NAALADL2: variants seen among roughly 807,000 people sequenced by gnomAD.
NAALADL2 encodes the protein N-acetylated alpha-linked acidic dipeptidase like 2, also known as inactive N-acetylated-alpha-linked acidic dipeptidase-like protein 2.
In NAALADL2, 76 loss-of-function variants were observed where a neutral mutation model predicts 87.2. The ratio of observed to expected loss-of-function variants is 0.87; its 90% CI spans 0.72 to 1.05. The LOEUF (loss-of-function observed/expected upper bound fraction) is 1.05. Ranked by LOEUF, NAALADL2 falls within the 50% of genes least tolerant of loss-of-function variation. The probability of loss-of-function intolerance (pLI) is 0.00; values close to 1 mark genes in which losing one functional copy is unlikely to be tolerated. For missense variants in NAALADL2, 1,089 were observed against 945.8 expected (o/e 1.15, Z -1.99); for synonymous variants, 354 against 331.0 (o/e 1.07, Z -0.75).
intron 13 of NAALADL2, among the ~76,000 whole-genome samples, chr3:175,783,761 G>C (rs1022863014): frequency 7.3e-5 from 11 of 150,978 alleles, no homozygotes; most frequent in Non-Finnish European, 1.2e-4. Flanking sequence ...TGGTGAGACA[G>C]GGCATCCCTG....
chr3:175,343,674 T>TTTTTTTTTTTTTTTTTTTTTG (rs1560398564), intron 5 of NAALADL2, among the ~76,000 whole-genome samples: 1 of 147,132 alleles, frequency 6.8e-6, no homozygotes, highest in African/African-American at 2.5e-5. Context: ...TTTTTTTTTT[T>TTTTTTTTTTTTTTTTTTTTTG]TTCCCTTCCC....
At chr3:175,393,965 T>A (rs944900602) in intron 5 of NAALADL2, among the ~76,000 whole-genome samples, 1 of 152,180 alleles carries the variant, frequency 6.6e-6, no homozygotes, top group Non-Finnish European at 1.5e-5. Context: ...CACAAGCTAT[T>A]TTTTTCTGTA....
intron 3 of NAALADL2, among the ~76,000 whole-genome samples, chr3:174,740,026 T>TAAAAC (rs778116784): frequency 2.6e-5 from 4 of 152,120 alleles, no homozygotes; most frequent in Admixed American, 6.6e-5. Context: ...AAGCATTTTG[T>TAAAAC]AAAACAAAAC....
intron 3 of NAALADL2, among the ~76,000 whole-genome samples, chr3:174,762,808 C>A (rs1283640526): frequency 6.6e-6 from 1 of 152,044 alleles, no homozygotes; most frequent in Non-Finnish European, 1.5e-5. Context: ...ATATTTGCAA[C>A]TACAGTGCCA....
intron 9 of NAALADL2, among the ~76,000 whole-genome samples, chr3:175,471,963 T>C (rs1176271179): frequency 1.3e-5 from 2 of 152,176 alleles, no homozygotes; most frequent in Admixed American, 1.3e-4. Flanking sequence ...TACTCTTTTA[T>C]GGTCATATTT....
At chr3:175,767,397 CAT>C (rs1748856991) in intron 13 of NAALADL2, among the ~76,000 whole-genome samples, 2 of 152,140 alleles carry the variant, frequency 1.3e-5, no homozygotes, top group Admixed American at 6.5e-5. Flanking sequence ...CCTCAAATTA[CAT>C]ATAGTGAGGT....
At chr3:174,733,543 ATT>A (rs1428053049) in intron 2 of NAALADL2, among the ~76,000 whole-genome samples, 1 of 152,210 alleles carries the variant, frequency 6.6e-6, no homozygotes, top group African/African-American at 2.4e-5. Flanking sequence ...GTGGCTTAGC[ATT>A]TCTTGTGATT....
At chr3:175,645,784 A>G (rs967086315) in intron 11 of NAALADL2, among the ~76,000 whole-genome samples, 10 of 152,266 alleles carry the variant, frequency 6.6e-5, no homozygotes, top group Admixed American at 1.3e-4. Flanking sequence ...TGAGATAGAA[A>G]GCAAGTTTCC....
intron 1 of NAALADL2, among the ~76,000 whole-genome samples, chr3:174,887,437 T>G (rs559352650): frequency 6.6e-6 from 1 of 152,302 alleles, no homozygotes; most frequent in Non-Finnish European, 1.5e-5. Context: ...TTCTTCAAAT[T>G]TATCCTTGTT....
At chr3:175,088,765 T>C (rs1719529081) in intron 1 of NAALADL2, among the ~76,000 whole-genome samples, 1 of 152,100 alleles carries the variant, frequency 6.6e-6, no homozygotes, top group Non-Finnish European at 1.5e-5. Flanking sequence ...AGATGAAAAA[T>C]TGCAGTGTAT....
intron 5 of NAALADL2, among the ~76,000 whole-genome samples, chr3:175,355,012 C>CTATA (rs200506028): frequency 6.7e-4 from 77 of 115,474 alleles, no homozygotes; most frequent in African/African-American, 1.8e-3. Flanking sequence ...TATATAATTG[C>CTATA]TATATATATA....
Position 175,738,905 on chromosome 3 carries a change from A to C in NAALADL2, c.1990+1506A>C, listed in dbSNP as rs140182305. The stretch of plus-strand genomic sequence containing the variant: ...AGGTCTAAATAGTTTTGTGAATAAT[A>C]AATATCATTTTTGCAAATATTTTTT... On this transcript the variant is annotated intron_variant, in intron 12 of 13. Coordinates refer to ENST00000454872, the MANE Select transcript of NAALADL2 (RefSeq NM_207015.3). Among the ~76,000 whole-genome samples, 367 of 152,314 alleles carry C rather than the reference A, an allele frequency of 2.4e-3. 1 individual carries two copies. The highest frequency in any genetic ancestry group is 0.017 in the Middle Eastern group (5 of 294).
intron 3 of NAALADL2, among the ~76,000 whole-genome samples, chr3:174,741,257 T>C (rs1733732974): frequency 6.6e-6 from 1 of 151,648 alleles, no homozygotes; most frequent in Non-Finnish European, 1.5e-5. Context: ...GTCAATGTAA[T>C]TTTACCTAAA....
Position 174,822,282 on chromosome 3 carries a change from C to T in NAALADL2, c.-9+84536C>T, listed in dbSNP as rs113268411. ...AGGAAGGTGATAAACCCGACGGCCC[C>T]TGCTTATTGCACAGGAGCTGGTCCA... On this transcript the variant is annotated intron_variant, in intron 3 of 3. Coordinates refer to the NAALADL2 transcript ENST00000434257. Among the ~76,000 whole-genome samples the T allele has an allele frequency of 8.0e-3, 1,222 of 152,212 alleles. 17 individuals are homozygous for T. The highest frequency in any genetic ancestry group is 0.028 in the African/African-American group (1,155 of 41,528).
intron 5 of NAALADL2, among the ~76,000 whole-genome samples, chr3:175,439,731 C>CTTTTTTTTTTTTTTTTTTTGTT: frequency 8.8e-6 from 1 of 113,786 alleles, no homozygotes; most frequent in Non-Finnish European, 1.8e-5. Context: ...GTTTTTTTTT[C>CTTTTTTTTTTTTTTTTTTTGTT]TTTTTTTTCT....
Position 174,766,471 on chromosome 3 carries a change from T to C in NAALADL2, c.-9+28725T>C, listed in dbSNP as rs535318706. Among the ~76,000 whole-genome samples the C allele has an allele frequency of 2.0e-5, 3 of 152,322 alleles. No homozygotes were observed. In the East Asian group the frequency reaches 5.8e-4, roughly 29 times the overall value. ...CAGGTATGGGATGGGTGAAGGTGTC[T>C]GCTGTGCACATTATGTGTCAAGAAG... On this transcript the variant is annotated intron_variant, in intron 3 of 3. Transcript: ENST00000434257.
chr3:174,530,745 AC>A (rs527922552), intron 1 of NAALADL2, among the ~76,000 whole-genome samples: 3 of 152,090 alleles, frequency 2.0e-5, no homozygotes, highest in South Asian at 4.2e-4. Flanking sequence ...GTGAATACTT[AC>A]CCCCCACCGG....
At chr3:175,780,281 A>G (rs1405020096) in intron 13 of NAALADL2, among the ~76,000 whole-genome samples, 2 of 151,904 alleles carry the variant, frequency 1.3e-5, no homozygotes, top group Non-Finnish European at 2.9e-5. Context: ...GTCTCAAAAA[A>G]AAAAAACCAA....
intron 11 of NAALADL2, among the ~76,000 whole-genome samples, chr3:175,707,312 T>A (rs1739849978): frequency 1.3e-5 from 2 of 152,124 alleles, no homozygotes; most frequent in Admixed American, 1.3e-4. Context: ...AACAGTGAAA[T>A]TTAGATTTCA....
Sources: gnomAD v4.1 joint callset for allele counts (sites outside exome capture counted in the v4.1 genomes callset) on GRCh38, gnomAD v4.1.1 for gene constraint, MANE v1.5 for transcripts, NCBI Gene and HGNC (gene_info 2026-07-23, HGNC 2026-07-21) for gene names.